MYO5C: variants seen among roughly 807,000 people sequenced by gnomAD.
MYO5C encodes myosin VC.
A neutral mutation model predicts 235.7 loss-of-function variants in MYO5C; 194 were observed. The ratio of observed to expected loss-of-function variants is 0.82; its 90% confidence interval spans 0.73 to 0.93. The LOEUF (loss-of-function observed/expected upper bound fraction) is 0.93. Ranked by LOEUF, MYO5C falls within the 40% of genes least tolerant of loss-of-function variation. The probability of loss-of-function intolerance (pLI) is 0.00; values close to 1 mark genes in which losing one functional copy is unlikely to be tolerated. For synonymous variants in MYO5C, 707 were observed against 754.8 expected, an observed-to-expected ratio of 0.94 and a Z score of 1.04; for missense variants, 2,038 against 2,127.2, an observed-to-expected ratio of 0.96 and a Z score of 0.82.
At chr15:52,254,561 A>T (rs2036542388) in intron 11 of MYO5C, among the ~76,000 whole-genome samples, 1 of 152,016 alleles carries the variant, frequency 6.6e-6, no homozygotes, top group Admixed American at 6.5e-5. Flanking sequence ...GGAGAGTCCT[A>T]CCCAAAGCTT....
chr15:52,291,076 C>T (rs4432216), intron 1 of MYO5C, among the ~76,000 whole-genome samples: 2,786 of 152,254 alleles, frequency 0.018, 83 homozygotes, highest in South Asian at 0.13. Flanking sequence ...GGGGCAGGAC[C>T]AGGACTTGAT....
At chr15:52,268,335 C>A (rs189075472) in intron 8 of MYO5C, among the ~76,000 whole-genome samples, 2 of 152,116 alleles carry the variant, frequency 1.3e-5, no homozygotes, top group East Asian at 1.9e-4. Flanking sequence ...GAAGCCAAGG[C>A]GGGCAGATCA....
chr15:52,232,239 A>AAGAAGGAAGGAG lies in MYO5C; in HGVS notation c.3026+371_3026+382dup, dbSNP rs2035974530. ...AAGAAAATGAAAGAAAGAAGAAAGA[A>AAGAAGGAAGGAG]AGAAGGAAGGAGAGAAGGAAGGAAG... On this transcript the variant is annotated intron_variant, in intron 24 of 40. Coordinates refer to ENST00000261839, the MANE Select transcript of MYO5C (RefSeq NM_018728.4). 2.0e-5 allele frequency among the ~76,000 whole-genome samples: 3 copies of AAGAAGGAAGGAG among 147,988 alleles called. 1 individual carries two copies. The East Asian group carries it at 5.9e-4, about 29-fold the overall frequency.
chr15:52,225,274 A>G (rs2141291964), intron 26 of MYO5C, 136 bp from the exon 27 acceptor site: 3 of 1,122,110 alleles, frequency 2.7e-6, no homozygotes, highest in Admixed American at 4.0e-5. Context: ...CAACCAACTA[A>G]CCAATCTTCC....
At position 52,205,061 on chromosome 15, in the gene MYO5C, C is replaced by A. The variant is rs780025953; in HGVS notation, c.4624G>T (p.Asp1542Tyr). The A allele has an allele frequency of 5.6e-6, 9 of 1,614,162 alleles. No individual in the cohort carries two copies. The highest frequency in any genetic ancestry group is 1.3e-5 in the African/African-American group (1 of 75,070). Residue 1542 changes from aspartate (D) to tyrosine (Y), a missense_variant, in exon 38 of 41, where the codon GAC becomes TAC. Physicochemically the swap from Asp to Tyr is radical, Grantham distance 160. Coordinates refer to ENST00000261839, the MANE Select transcript of MYO5C (RefSeq NM_018728.4). ...GAGGTCATGGTGTAGCCGTCCGTGT[C>A]GTCTATGCTAGAGGAGCGCTTCCGG... The part of the protein sequence containing the change: ...GFRKRSSSID[D>Y]TDGYTMTSVL...
At chr15:52,277,998 G>A (rs957834357) in intron 4 of MYO5C, 2 of 455,168 alleles carry the variant, frequency 4.4e-6, no homozygotes, top group Admixed American at 2.4e-5. Flanking sequence ...AGAGTCAGCA[G>A]GTCCAGGTCC....
intron 13 of MYO5C, among the ~76,000 whole-genome samples, chr15:52,250,230 TTTTTTC>T (rs1450238488): frequency 7.8e-6 from 1 of 127,946 alleles, no homozygotes; most frequent in African/African-American, 2.8e-5. Flanking sequence ...CTTATCTTTT[TTTTTTC>T]TTTTTCTTTT....
chr15:52,195,726 A>C (rs2035032781), intron 39 of MYO5C, among the ~76,000 whole-genome samples: 1 of 152,108 alleles, frequency 6.6e-6, no homozygotes, highest in Non-Finnish European at 1.5e-5. Flanking sequence ...ACCCCTCCAC[A>C]TACACATTTG....
chr15:52,252,884 T>G (rs1379654604), intron 12 of MYO5C, among the ~76,000 whole-genome samples: 1 of 152,210 alleles, frequency 6.6e-6, no homozygotes, highest in African/African-American at 2.4e-5. Context: ...CTTCAGAGTT[T>G]CCCAGAGGGA....
At chr15:52,254,204 T>C (rs2036534475) in intron 11 of MYO5C, among the ~76,000 whole-genome samples, 1 of 152,188 alleles carries the variant, frequency 6.6e-6, no homozygotes, top group African/African-American at 2.4e-5. Context: ...CTATGGCCTT[T>C]TTCTAGGAGC....
chr15:52,272,803 A>G (rs1400608185), intron 5 of MYO5C, 80 bp from the exon 6 acceptor site: 1 of 1,450,914 alleles, frequency 6.9e-7, no homozygotes, highest in East Asian at 2.3e-5. Flanking sequence ...TTTTAGTAAA[A>G]GGCAATCCTG....
At chr15:52,283,148 G>A (rs977763787) in intron 1 of MYO5C, among the ~76,000 whole-genome samples, 7 of 152,142 alleles carry the variant, frequency 4.6e-5, no homozygotes, top group Non-Finnish European at 1.0e-4. Flanking sequence ...ACGTGGGAAA[G>A]AAATCCGCGA....
At chr15:52,271,110 A>G (rs2036915595) in intron 7 of MYO5C, among the ~76,000 whole-genome samples, 1 of 152,202 alleles carries the variant, frequency 6.6e-6, no homozygotes, top group South Asian at 2.1e-4. Flanking sequence ...GTTTGTTTTA[A>G]TAAGTGGGTT....
intron 1 of MYO5C, among the ~76,000 whole-genome samples, chr15:52,285,008 A>C (rs528762427): frequency 6.6e-6 from 1 of 152,242 alleles, no homozygotes; most frequent in Non-Finnish European, 1.5e-5. Flanking sequence ...CCTGACCTGT[A>C]AAGTTCTTTC....
intron 36 of MYO5C, among the ~76,000 whole-genome samples, chr15:52,207,721 T>A (rs562408469): frequency 6.6e-6 from 1 of 152,250 alleles, no homozygotes; most frequent in South Asian, 2.1e-4. Context: ...AGGGACTTCA[T>A]AAGGAAAATT....
intron 40 of MYO5C, among the ~76,000 whole-genome samples, chr15:52,194,718 ATATAT>A (rs1223952772): frequency 2.6e-5 from 4 of 151,400 alleles, no homozygotes; most frequent in East Asian, 3.9e-4. Context: ...ATATATAACC[ATATAT>A]TATATACGCC....
chr15:52,269,289 C>G (rs2036870746), intron 8 of MYO5C, among the ~76,000 whole-genome samples: 2 of 152,114 alleles, frequency 1.3e-5, no homozygotes, highest in Admixed American at 1.3e-4. Context: ...ATAGTCTTGA[C>G]CACTTAGTCT....
chr15:52,293,861 A>C (rs1272566012), intron 1 of MYO5C, among the ~76,000 whole-genome samples: 1 of 152,086 alleles, frequency 6.6e-6, no homozygotes, highest in Non-Finnish European at 1.5e-5. Context: ...CAAAACCCAC[A>C]CTGGGGAATA....
chr15:52,195,505 C>G, intron 39 of MYO5C, 48 bp from the exon 40 acceptor site: 1 of 1,302,096 alleles, frequency 7.7e-7, no homozygotes, highest in Admixed American at 2.1e-5. Context: ...AATAATAACT[C>G]TGTTCATAAA....
Sources: allele counts gnomAD v4.1 joint callset (sites outside exome capture counted in the v4.1 genomes callset), GRCh38; gene constraint gnomAD v4.1.1; transcripts MANE v1.5; gene names NCBI Gene and HGNC (gene_info 2026-07-23, HGNC 2026-07-21).